Variants in AAK1 observed in about 807,000 individuals in gnomAD.
The protein encoded by AAK1 is AP2-associated protein kinase 1.
Under a neutral mutation model 116.0 loss-of-function variants are expected in AAK1, and 37 were observed. The observed-to-expected ratio is 0.32, with a 90% confidence interval of 0.25 to 0.42. The LOEUF (loss-of-function observed/expected upper bound fraction) is 0.42. Ranked by LOEUF, AAK1 falls within the 10% of genes least tolerant of loss-of-function variation. The pLI is 1.00. For missense variants in AAK1, 919 were observed against 1,170.6 expected, an observed-to-expected ratio of 0.79 and a Z score of 3.14; for synonymous variants, 458 against 439.9, an observed-to-expected ratio of 1.04 and a Z score of -0.51.
At chr2:69,616,330 C>G (rs1410700509) in intron 2 of AAK1, among the ~76,000 whole-genome samples, 5 of 152,108 alleles carry the variant, frequency 3.3e-5, no homozygotes, top group African/African-American at 1.2e-4. Context: ...TGCCACTGAA[C>G]TGTTCACTTT....
intron 10 of AAK1, among the ~76,000 whole-genome samples, chr2:69,522,440 G>A (rs1669827668): frequency 1.3e-5 from 2 of 152,132 alleles, no homozygotes; most frequent in Non-Finnish European, 2.9e-5. Context: ...CATCTTGGGG[G>A]CTAGAACCTG....
chr2:69,530,158 C>G lies in AAK1; in HGVS notation c.739-18G>C, dbSNP rs545522080. ...CCAAGAGCCTAAAAAATAAAGATAG[C>G]AGATTGCTACTAGTGGCTTATTTAT... is the stretch of plus-strand genomic sequence containing the variant. On this transcript the variant is annotated intron_variant, in intron 7 of 21. Transcript: ENST00000409085. The G allele has an allele frequency of 1.9e-6, 3 of 1,597,516 alleles. No homozygotes were observed. The highest frequency in any genetic ancestry group is 2.6e-6 in the Non-Finnish European group (3 of 1,173,538).
At position 69,466,940 on chromosome 2, in the gene AAK1, T is replaced by C. The variant is rs182305514; in HGVS notation, c.*8929A>G. The C allele has an allele frequency of 2.0e-6, 2 of 985,470 alleles. No homozygotes were observed. The highest frequency in any genetic ancestry group is 3.5e-5 in the African/African-American group (2 of 57,372). The allele number at this position is 985,470 out of a possible 1,614,324, so 61.0% of individuals were successfully genotyped here. On this transcript the variant is annotated 3_prime_UTR_variant, in exon 22 of 22. Coordinates refer to ENST00000409085, the MANE Select transcript of AAK1 (RefSeq NM_014911.5). ...CATATACCATGACAGTTTTGGATTATGTAGAAACACTGTCTGGGGATGACT... is the reference window on the plus strand; with the variant it reads ...CATATACCATGACAGTTTTGGATTACGTAGAAACACTGTCTGGGGATGACT...
chr2:69,565,906 G>A (rs533623927), intron 2 of AAK1, among the ~76,000 whole-genome samples: 2 of 151,514 alleles, frequency 1.3e-5, no homozygotes, highest in African/African-American at 4.9e-5. Flanking sequence ...TCCTCTCCAC[G>A]GTGAGAGCTT....
chr2:69,480,274 AAAG>A lies in AAK1; in HGVS notation c.2569+583_2569+585del, dbSNP rs538324709. ...GGAATTATGGACAAAAAAAAAAAAA[AAAG>A]AAGAAGGTTACCAAATCTGTATTTG... On this transcript the variant is annotated intron_variant, in intron 19 of 21. Transcript: ENST00000409085. Among the ~76,000 whole-genome samples the A allele has an allele frequency of 5.0e-3, 759 of 152,018 alleles. 3 individuals carry two copies. The highest frequency in any genetic ancestry group is 0.017 in the African/African-American group (720 of 41,414).
At position 69,465,649 on chromosome 2, in the gene AAK1, G is replaced by A. The variant is rs1035493131; in HGVS notation, c.*10220C>T. ...GAATACTTGGATAAGGACTGGGGGC[G>A]GAATGGTTTGCCAGCCATGGGGCCT... On this transcript the variant is annotated 3_prime_UTR_variant, in exon 22 of 22. Transcript: ENST00000409085. 3.4e-5 allele frequency: 44 copies of A among 1,290,804 alleles called. No homozygotes were observed. Among genetic ancestry groups the A allele is most frequent in the East Asian group, 3.3e-4 (6 of 18,036 alleles). The allele number at this position is 1,290,804 out of a possible 1,614,324, so 80.0% of individuals were successfully genotyped here. A position where few individuals can be genotyped will look rare whatever the true frequency, so the allele number is the denominator to read the frequency against.
At chr2:69,530,483 A>T in intron 7 of AAK1, 142 bp downstream of exon 7, 1 of 628,720 alleles carries the variant, frequency 1.6e-6, no homozygotes, top group Non-Finnish European at 2.7e-6. Context: ...TGGTATTCTC[A>T]CATCAAGAAT....
intron 10 of AAK1, among the ~76,000 whole-genome samples, chr2:69,522,374 C>T (rs1340992068): frequency 6.6e-6 from 1 of 152,190 alleles, no homozygotes; most frequent in African/African-American, 2.4e-5. Flanking sequence ...GCACTGGCAA[C>T]CTGTTAGAGG....
At chr2:69,505,079 T>TA (rs1478044457) in intron 16 of AAK1, among the ~76,000 whole-genome samples, 1 of 152,052 alleles carries the variant, frequency 6.6e-6, no homozygotes, top group Non-Finnish European at 1.5e-5. Context: ...GAAGTCTCAT[T>TA]AAAAAATACC....
rs776180386 is a variant in AAK1 at position 69,475,847 on chromosome 2, T to C, written c.*22A>G. On this transcript the variant is annotated 3_prime_UTR_variant, in exon 22 of 22. Coordinates refer to ENST00000409085, the MANE Select transcript of AAK1 (RefSeq NM_014911.5). ...TTTTACGGTATGAAGGTTACAGAAC[T>C]GCATCTGCTACTGGGTCACGGCTAC... 5 of 1,605,556 alleles carry C rather than the reference T, an allele frequency of 3.1e-6. No homozygotes were observed. The highest frequency in any genetic ancestry group is 1.3e-5 in the African/African-American group (1 of 74,742).
chr2:69,615,246 C>T (rs78798403), intron 2 of AAK1, among the ~76,000 whole-genome samples: 2,404 of 152,260 alleles, frequency 0.016, 58 homozygotes, highest in African/African-American at 0.055. Context: ...CTCGGGACTT[C>T]GCAGAGAAGC....
chr2:69,602,578 G>A (rs1482837790), intron 2 of AAK1, among the ~76,000 whole-genome samples: 2 of 152,106 alleles, frequency 1.3e-5, no homozygotes, highest in Non-Finnish European at 2.9e-5. Context: ...TACTGTTTAT[G>A]TAACTGAAAT....
At chr2:69,476,546 T>C (rs561858206) in intron 21 of AAK1, among the ~76,000 whole-genome samples, 246 of 152,338 alleles carry the variant, frequency 1.6e-3, no homozygotes, top group African/African-American at 5.7e-3. Flanking sequence ...AAATATTTAT[T>C]ATGGATTATT....
chr2:69,489,041 C>T (rs1275713757), intron 17 of AAK1, among the ~76,000 whole-genome samples: 1 of 151,262 alleles, frequency 6.6e-6, no homozygotes, highest in Non-Finnish European at 1.5e-5. Flanking sequence ...AAATGGCGTC[C>T]CTGTATGTTA....
chr2:69,518,414 T>C (rs1020764292), intron 12 of AAK1, among the ~76,000 whole-genome samples: 55 of 141,054 alleles, frequency 3.9e-4, no homozygotes, highest in African/African-American at 1.3e-3. Context: ...AAAAATAGTT[T>C]TTTTTTTTTT....
chr2:69,531,732 C>T (rs3755392), intron 6 of AAK1: 100,363 of 1,063,108 alleles, frequency 0.094, 6,099 homozygotes, highest in African/African-American at 0.28. Context: ...AGTACTTTTA[C>T]GGTGTGTGCA....
At chr2:69,542,776 A>G in intron 4 of AAK1, 111 bp from the exon 5 acceptor site, 1 of 1,209,398 alleles carries the variant, frequency 8.3e-7, no homozygotes, top group Middle Eastern at 2.9e-4. Flanking sequence ...AAGGTAACAG[A>G]GCTGACCACT....
At chr2:69,607,910 G>C (rs887366319) in intron 2 of AAK1, among the ~76,000 whole-genome samples, 1 of 152,144 alleles carries the variant, frequency 6.6e-6, no homozygotes, top group African/African-American at 2.4e-5. Context: ...GGACATCTGA[G>C]TACAATGGCA....
chr2:69,600,549 G>A (rs928244813), intron 2 of AAK1, among the ~76,000 whole-genome samples: 7 of 152,146 alleles, frequency 4.6e-5, no homozygotes, highest in African/African-American at 9.7e-5. Context: ...CTGAATTGTC[G>A]CAATCTCATG....
Sources: gnomAD v4.1 joint callset for allele counts (sites outside exome capture counted in the v4.1 genomes callset) on GRCh38, gnomAD v4.1.1 for gene constraint, MANE v1.5 for transcripts, NCBI Gene and HGNC (gene_info 2026-07-23, HGNC 2026-07-21) for gene names.